The following SLC24A2 variants were observed in gnomAD, a reference collection of about 807,000 sequenced individuals.
The protein encoded by SLC24A2 is sodium/potassium/calcium exchanger 2.
SLC24A2 carries 36 observed loss-of-function variants against 62.0 expected under a neutral mutation model. The observed-to-expected ratio is 0.58, with a 90% CI of 0.44 to 0.77. The LOEUF is 0.77. Among genes scored for constraint, SLC24A2 ranks in the 30% least tolerant of loss-of-function variants. SLC24A2 has a pLI of 0.00. For synonymous variants in SLC24A2, 358 were observed against 294.0 expected (o/e 1.22, Z -2.23); for missense variants, 846 against 817.9 (o/e 1.03, Z -0.42).
At chr9:20,237,529 A>T in the SLC24A2 span, among the ~76,000 whole-genome samples, 1 of 152,184 alleles carries the variant, frequency 6.6e-6, no homozygotes, top group South Asian at 2.1e-4. Flanking sequence ...ACTTGGAAGG[A>T]TACTGAAGAC....
chr9:20,110,857 C>T, the SLC24A2 span, among the ~76,000 whole-genome samples: 1 of 152,132 alleles, frequency 6.6e-6, no homozygotes. Flanking sequence ...AATTCTAAGA[C>T]TGAAATATGT....
chr9:20,059,788 G>C, the SLC24A2 span, among the ~76,000 whole-genome samples: 1 of 151,750 alleles, frequency 6.6e-6, no homozygotes, highest in East Asian at 1.9e-4. Context: ...CAGAGGGAAG[G>C]AAAGAATGAA....
At position 19,510,082 on chromosome 9, in the gene SLC24A2, G is replaced by A. The variant is rs983454182; in HGVS notation, c.*6071C>T. On this transcript the variant is annotated 3_prime_UTR_variant, in exon 11 of 11. Transcript: ENST00000341998. ...GCCCAGAGTTTTGGAGTAATCTAAAGTGGTGTCTCCCCAATTTTGAGTTCT... is the reference window on the plus strand; with the variant it reads ...GCCCAGAGTTTTGGAGTAATCTAAAATGGTGTCTCCCCAATTTTGAGTTCT... 3 of 152,130 alleles carry A rather than the reference G, an allele frequency of 2.0e-5. No individual in the cohort carries two copies. The highest frequency in any genetic ancestry group is 7.2e-5 in the African/African-American group (3 of 41,424). 9.4% of individuals were successfully genotyped at this position (152,130 alleles called of 1,614,324 possible).
chr9:19,954,455 G>A, the SLC24A2 span, among the ~76,000 whole-genome samples: 6 of 152,046 alleles, frequency 3.9e-5, no homozygotes, highest in Non-Finnish European at 8.8e-5. Context: ...TAGTAATTGG[G>A]AAAATAGACA....
chr9:20,080,572 G>C, the SLC24A2 span, among the ~76,000 whole-genome samples: 1 of 152,088 alleles, frequency 6.6e-6, no homozygotes, highest in Admixed American at 6.5e-5. Flanking sequence ...CATGGGCAAG[G>C]ACTTCTTGTC....
At chr9:20,004,581 T>C in the SLC24A2 span, among the ~76,000 whole-genome samples, 2 of 152,226 alleles carry the variant, frequency 1.3e-5, no homozygotes, top group African/African-American at 2.4e-5. Flanking sequence ...TCTCCATTAG[T>C]GGATTTCACC....
intron 2 of SLC24A2, among the ~76,000 whole-genome samples, chr9:19,699,447 A>C (rs1011365471): frequency 6.6e-6 from 1 of 152,188 alleles, no homozygotes; most frequent in Non-Finnish European, 1.5e-5. Context: ...ACCAGGAACA[A>C]TTATGTTCAA....
At chr9:19,808,863 C>T in the SLC24A2 span, among the ~76,000 whole-genome samples, 1 of 152,104 alleles carries the variant, frequency 6.6e-6, no homozygotes, top group African/African-American at 2.4e-5. This position sits in a 1 kb window ranked among gnomAD's most constrained non-coding sequence, Gnocchi z 4.1. Context: ...GTGTTACATC[C>T]GCAGGCTGGC....
intron 2 of SLC24A2, among the ~76,000 whole-genome samples, 169 bp downstream of exon 2, chr9:19,785,768 T>G (rs1472741952): frequency 6.6e-5 from 10 of 152,182 alleles, no homozygotes; most frequent in Admixed American, 6.5e-4. Context: ...ACCCCAAAAT[T>G]ATTTTTTCCA....
the SLC24A2 span, among the ~76,000 whole-genome samples, chr9:19,827,409 C>G: frequency 6.6e-6 from 1 of 152,026 alleles, no homozygotes; most frequent in Non-Finnish European, 1.5e-5. Context: ...TAGGGCTGCT[C>G]TGAAAAGTTA....
intron 7 of SLC24A2, among the ~76,000 whole-genome samples, chr9:19,551,636 C>G (rs990235826): frequency 4.6e-5 from 7 of 152,206 alleles, no homozygotes; most frequent in Non-Finnish European, 8.8e-5. Flanking sequence ...CCCTGGGGCT[C>G]TTGCTTCCAG....
the SLC24A2 span, among the ~76,000 whole-genome samples, chr9:20,031,832 T>C: frequency 6.6e-6 from 1 of 151,950 alleles, no homozygotes; most frequent in Non-Finnish European, 1.5e-5. Context: ...TGTAGGGGCG[T>C]TGGTGGGCTG....
At position 19,514,937 on chromosome 9, in the gene SLC24A2, A is replaced by G. The variant is rs1041831272; in HGVS notation, c.*1216T>C. On this transcript the variant is annotated 3_prime_UTR_variant, in exon 11 of 11. Transcript: ENST00000341998. Reference sequence around the variant, plus strand: ...GGGAATAATGATTTCTTCAGACACTAAAGCCCTTTATGACTACACTGGAAA... The same window carrying G: ...GGGAATAATGATTTCTTCAGACACTGAAGCCCTTTATGACTACACTGGAAA... The G allele has an allele frequency of 2.0e-5, 3 of 152,204 alleles. No individual in the cohort carries two copies. The highest frequency in any genetic ancestry group is 4.8e-5 in the African/African-American group (2 of 41,432). 9.4% of individuals were successfully genotyped at this position (152,204 alleles called of 1,614,324 possible). A position where few individuals can be genotyped will look rare whatever the true frequency, so the allele number is the denominator to read the frequency against.
chr9:20,036,397 T>G, the SLC24A2 span, among the ~76,000 whole-genome samples: 1 of 150,840 alleles, frequency 6.6e-6, no homozygotes, highest in Admixed American at 6.7e-5. Context: ...TAGCTATAAT[T>G]ACCACATTGT....
chr9:19,724,059 A>G (rs978892636), intron 2 of SLC24A2, among the ~76,000 whole-genome samples: 1 of 152,196 alleles, frequency 6.6e-6, no homozygotes, highest in Non-Finnish European at 1.5e-5. Context: ...CAACACCATT[A>G]TAATTTTTGC....
At chr9:19,857,355 C>G in the SLC24A2 span, among the ~76,000 whole-genome samples, 1 of 152,148 alleles carries the variant, frequency 6.6e-6, no homozygotes, top group Admixed American at 6.6e-5. Context: ...CTTCCCATCC[C>G]CAAATCCTCA....
chr9:19,639,486 G>A (rs1477928312), intron 2 of SLC24A2, among the ~76,000 whole-genome samples: 2 of 152,186 alleles, frequency 1.3e-5, no homozygotes, highest in African/African-American at 4.8e-5. Context: ...ACAAGCCTGG[G>A]GTGCCCGGCC....
At chr9:19,711,403 T>G (rs1564056749) in intron 2 of SLC24A2, among the ~76,000 whole-genome samples, 1 of 151,992 alleles carries the variant, frequency 6.6e-6, no homozygotes, top group Non-Finnish European at 1.5e-5. Flanking sequence ...TGCTTAAGAG[T>G]GTAAAAGAAA....
At chr9:19,718,602 C>T (rs183922393) in intron 2 of SLC24A2, among the ~76,000 whole-genome samples, 39 of 152,092 alleles carry the variant, frequency 2.6e-4, no homozygotes, top group African/African-American at 8.9e-4. Flanking sequence ...TGAGCCACTG[C>T]GCCCAGCCAA....
Sources: allele counts gnomAD v4.1 joint callset (sites outside exome capture counted in the v4.1 genomes callset), GRCh38; gene constraint gnomAD v4.1.1; non-coding constraint Gnocchi (gnomAD v3.1); transcripts MANE v1.5; gene names NCBI Gene and HGNC (gene_info 2026-07-23, HGNC 2026-07-21).